Variants in TRIM15 observed in about 807,000 individuals in gnomAD.
TRIM15 encodes the protein tripartite motif containing 15.
A neutral mutation model predicts 35.8 loss-of-function variants in TRIM15; 35 were observed. The observed-to-expected ratio is 0.98, with a 90% CI of 0.75 to 1.30. TRIM15 has a LOEUF of 1.30. TRIM15 is among the 50% of genes most tolerant of loss of function. The probability of loss-of-function intolerance (pLI) is 0.00; values close to 1 mark genes in which losing one functional copy is unlikely to be tolerated. For missense variants in TRIM15, 590 were observed against 593.5 expected (o/e 0.99, Z 0.06); for synonymous variants, 252 against 249.8 (o/e 1.01, Z -0.08).
rs1160968500 is a variant in TRIM15 at position 30,172,277 on chromosome 6, C to T, written c.1326C>T (p.Ala442=). 6.2e-7 allele frequency: 1 copy of T among 1,612,832 alleles called. No individual in the cohort carries two copies. Among genetic ancestry groups the T allele is most frequent in the African/African-American group, 1.3e-5 (1 of 74,946 alleles). ...QTQEPIFTFT[A]SFSGKVFPFF... is the part of the protein sequence containing the mutation. ...AGGAGCCCATCTTCACCTTCACTGC[C>T]TCTTTCTCCGGCAAAGTCTTCCCTT... The change falls in exon 7 of 7, where the codon GCC becomes GCT. Residue 442 remains alanine, a synonymous_variant. Transcript: ENST00000376694.
rs575112359 is a variant in TRIM15, at chr6:30,172,592, C to T, written c.*243C>T. On this transcript the variant is annotated 3_prime_UTR_variant, in exon 7 of 7. Transcript: ENST00000376694. ...CCTCAGAGTGCAGAACCACAGACGG[C>T]TTCGGCTGTGCCTAGGGCAACAGCC... is the stretch of plus-strand genomic sequence containing the variant. 1.4e-6 allele frequency: 1 copy of T among 723,012 alleles called. No individual in the cohort carries two copies. Among genetic ancestry groups the T allele is most frequent in the South Asian group, 1.5e-5 (1 of 66,432 alleles). 44.8% of individuals were successfully genotyped at this position (723,012 alleles called of 1,614,324 possible).
At position 30,171,787 on chromosome 6, in the gene TRIM15, T is replaced by A. The variant is rs1304201244; in HGVS notation, c.881-45T>A. The A allele has an allele frequency of 8.9e-6, 13 of 1,468,064 alleles. No homozygotes were observed. The African/African-American group carries it at 1.3e-4, about 14-fold the overall frequency. 90.9% of individuals were successfully genotyped at this position (1,468,064 alleles called of 1,614,324 possible). A position where few individuals can be genotyped will look rare whatever the true frequency, so the allele number is the denominator to read the frequency against. On this transcript the variant is annotated intron_variant, in intron 6 of 6. Coordinates refer to ENST00000376694, the MANE Select transcript of TRIM15 (RefSeq NM_033229.3). ...GTGCGTTGCCTGCTCTAGGAACATCTGTGGTTGCCGCCCGCTGTTGATGTC... is the reference window on the plus strand; with the variant it reads ...GTGCGTTGCCTGCTCTAGGAACATCAGTGGTTGCCGCCCGCTGTTGATGTC...
At chr6:30,170,270 T>A in intron 4 of TRIM15, 2 of 516,620 alleles carry the variant, frequency 3.9e-6, no homozygotes, top group East Asian at 6.3e-5. Context: ...CTAAAGGGGC[T>A]TACCTCCAAT....
At position 30,167,278 on chromosome 6, in the gene TRIM15, G is replaced by T. The variant is rs766514772; in HGVS notation, c.477+7G>T. ...GAAGCTTCAAGTGCTGCTGGTACAGGCCACGTCACTGGCTACCTTTTCCTT... is the reference window on the plus strand; with the variant it reads ...GAAGCTTCAAGTGCTGCTGGTACAGTCCACGTCACTGGCTACCTTTTCCTT... On this transcript the variant is annotated splice_region_variant and intron_variant, in intron 2 of 6. Coordinates refer to ENST00000376694, the MANE Select transcript of TRIM15 (RefSeq NM_033229.3). The T allele has an allele frequency of 4.4e-6, 7 of 1,609,056 alleles. No homozygotes were observed. Among genetic ancestry groups the T allele is most frequent in the African/African-American group, 1.3e-5 (1 of 74,848 alleles).
intron 5 of TRIM15, 30 bp downstream of exon 5, chr6:30,170,646 A>C: frequency 6.5e-7 from 1 of 1,543,404 alleles, no homozygotes; most frequent in Non-Finnish European, 8.9e-7. Flanking sequence ...AGTTTTCCCC[A>C]GTCCCATTAG....
intron 4 of TRIM15, 100 bp from the exon 5 acceptor site, chr6:30,170,400 AC>A (rs1773922965): frequency 2.9e-6 from 2 of 687,912 alleles, no homozygotes; most frequent in Admixed American, 5.2e-5. Context: ...TTCACCACAG[AC>A]GCCAAGATCA....
chr6:30,167,158 C>G lies in TRIM15; in HGVS notation c.382-18C>G. ...TATTAATTCAGTCACCTCTATCCAC[C>G]CATTCTTCTCCCCACAGGATCGTCT... On this transcript the variant is annotated intron_variant, in intron 1 of 6. Transcript: ENST00000376694. 6.3e-7 allele frequency: 1 copy of G among 1,599,182 alleles called. No homozygotes were observed. The highest frequency in any genetic ancestry group is 8.6e-7 in the Non-Finnish European group (1 of 1,167,604).
intron 2 of TRIM15, among the ~76,000 whole-genome samples, chr6:30,167,927 A>G (rs1307079892): frequency 6.6e-6 from 1 of 152,142 alleles, no homozygotes; most frequent in East Asian, 1.9e-4. Context: ...TCTCCCACTA[A>G]GTTGTGTTGA....
chr6:30,171,783 C>A, intron 6 of TRIM15, 49 bp from the exon 7 acceptor site: 1 of 1,465,444 alleles, frequency 6.8e-7, no homozygotes, highest in Non-Finnish European at 9.0e-7. Context: ...GCTCTAGGAA[C>A]ATCTGTGGTT....
At chr6:30,166,236 G>T (rs1485030521) in intron 1 of TRIM15, among the ~76,000 whole-genome samples, 2 of 152,052 alleles carry the variant, frequency 1.3e-5, no homozygotes, top group Non-Finnish European at 2.9e-5. Context: ...TATGGTTTTA[G>T]GTCTTACGTT....
chr6:30,169,144 G>C, intron 3 of TRIM15, 97 bp from the exon 4 acceptor site: 1 of 1,430,464 alleles, frequency 7.0e-7, no homozygotes, highest in Non-Finnish European at 9.8e-7. Flanking sequence ...CAGAAGGAGA[G>C]TTTTGAGTTC....
intron 1 of TRIM15, among the ~76,000 whole-genome samples, chr6:30,166,969 C>A (rs1773644405): frequency 6.6e-6 from 1 of 152,174 alleles, no homozygotes; most frequent in Admixed American, 6.5e-5. Flanking sequence ...CTGTGTGTAC[C>A]CCTGGACTAT....
At chr6:30,171,059 C>T in intron 6 of TRIM15, 51 bp downstream of exon 6, 2 of 1,581,858 alleles carry the variant, frequency 1.3e-6, no homozygotes. Flanking sequence ...CCATTCAATC[C>T]ATGGCAGCAA....
At chr6:30,170,729 C>G in intron 5 of TRIM15, 113 bp downstream of exon 5, 1 of 859,276 alleles carries the variant, frequency 1.2e-6, no homozygotes, top group East Asian at 2.6e-5. Context: ...CTTCCCTCCC[C>G]AGAGCCTTCC....
chr6:30,169,317 G>A (rs1379811446), intron 4 of TRIM15, 54 bp downstream of exon 4: 9 of 1,608,328 alleles, frequency 5.6e-6, no homozygotes, highest in South Asian at 1.1e-5. Context: ...AGACTGAATG[G>A]GAAGGGGCAG....
chr6:30,166,979 T>C (rs1313583243), intron 1 of TRIM15, among the ~76,000 whole-genome samples, 197 bp from the exon 2 acceptor site: 1 of 152,206 alleles, frequency 6.6e-6, no homozygotes, highest in Non-Finnish European at 1.5e-5. Context: ...CCCTGGACTA[T>C]TGCATTTATC....
At position 30,169,127 on chromosome 6, in the gene TRIM15, C is replaced by G. The variant is rs144399757; in HGVS notation, c.709-114C>G. ...ATGAGTAGGTAATTAAACAGGACAA[C>G]TCTCTGCAGAAGGAGAGTTTTGAGT... On this transcript the variant is annotated intron_variant, in intron 3 of 6. Coordinates refer to ENST00000376694, the MANE Select transcript of TRIM15 (RefSeq NM_033229.3). 2.3e-4 allele frequency: 287 copies of G among 1,263,176 alleles called. 2 individuals carry two copies. In the East Asian group the frequency reaches 6.5e-3, roughly 29 times the overall value. 78.2% of individuals were successfully genotyped at this position (1,263,176 alleles called of 1,614,324 possible).
rs746634759 is a variant in TRIM15, at chr6:30,172,396, G to A, written c.*47G>A. 8 of 1,555,378 alleles carry A rather than the reference G, an allele frequency of 5.1e-6. No homozygotes were observed. The highest frequency in any genetic ancestry group is 1.2e-5 in the South Asian group (1 of 81,686). On this transcript the variant is annotated 3_prime_UTR_variant, in exon 7 of 7. Coordinates refer to ENST00000376694, the MANE Select transcript of TRIM15 (RefSeq NM_033229.3). ...CGAAGCGGAGACGGCGGCTCTCCGG[G>A]ATCCAGCTCCGCCCCTGGCCAGTGT...
chr6:30,168,219 CAAT>C (rs1773747190), intron 2 of TRIM15, 78 bp from the exon 3 acceptor site: 2 of 1,230,680 alleles, frequency 1.6e-6, no homozygotes, highest in African/African-American at 1.5e-5. Flanking sequence ...CCCTGTTAAT[CAAT>C]AATAAGTATA....
Sources: allele counts gnomAD v4.1 joint callset (sites outside exome capture counted in the v4.1 genomes callset), GRCh38; gene constraint gnomAD v4.1.1; transcripts MANE v1.5; gene names NCBI Gene and HGNC (gene_info 2026-07-23, HGNC 2026-07-21).